Variants in MAEA observed in about 807,000 individuals in gnomAD.
The protein encoded by MAEA is macrophage erythroblast attacher, E3 ubiquitin ligase, also known as E3 ubiquitin-protein transferase MAEA.
A neutral mutation model predicts 46.2 loss-of-function variants in MAEA; 22 were observed. That is an observed-to-expected ratio of 0.48 (90% confidence interval 0.34 to 0.68). The LOEUF is 0.68. MAEA is among the 30% of genes least tolerant of loss of function. The pLI is 0.01. For missense variants in MAEA, 393 were observed against 558.1 expected (o/e 0.70, Z 2.98); for synonymous variants, 246 against 222.6 (o/e 1.11, Z -0.94).
intron 5 of MAEA, chr4:1,331,077 C>G (rs1322076701): frequency 6.6e-6 from 1 of 152,012 alleles, no homozygotes; most frequent in Non-Finnish European, 1.5e-5. Context: ...CTGTGCACGT[C>G]TTGGCGTGTG....
intron 1 of MAEA, chr4:1,310,028 G>A: frequency 8.5e-7 from 1 of 1,172,862 alleles, no homozygotes; most frequent in Non-Finnish European, 1.1e-6. Context: ...TCCTCCGCGC[G>A]AGCGAGGGTG....
At chr4:1,317,375 C>T (rs1401433642) in intron 3 of MAEA, among the ~76,000 whole-genome samples, 13 of 151,056 alleles carry the variant, frequency 8.6e-5, no homozygotes, top group African/African-American at 3.2e-4. Context: ...GACTCATCTG[C>T]AGGCCCCACA....
intron 3 of MAEA, among the ~76,000 whole-genome samples, chr4:1,316,101 C>G (rs1379639252): frequency 1.3e-5 from 2 of 152,048 alleles, no homozygotes; most frequent in Non-Finnish European, 2.9e-5. Flanking sequence ...GATACCTGTA[C>G]CCCGGGTTTT....
intron 1 of MAEA, among the ~76,000 whole-genome samples, chr4:1,304,624 G>C (rs987842811): frequency 6.6e-6 from 1 of 152,000 alleles, no homozygotes; most frequent in South Asian, 2.1e-4. Context: ...TGTATTTTTA[G>C]TACAGACGGG....
intron 3 of MAEA, among the ~76,000 whole-genome samples, chr4:1,318,691 G>C (rs983976092): frequency 6.6e-6 from 1 of 152,176 alleles, no homozygotes; most frequent in African/African-American, 2.4e-5. Context: ...CTGTGGCCGA[G>C]GGGGAGCTGC....
chr4:1,329,378 G>A, intron 5 of MAEA: 1 of 985,454 alleles, frequency 1.0e-6, no homozygotes, highest in Non-Finnish European at 1.2e-6. Context: ...GAGACTCGCG[G>A]GGCCTCCACC....
intron 5 of MAEA, among the ~76,000 whole-genome samples, chr4:1,328,076 C>T (rs532934120): frequency 2.6e-5 from 4 of 152,350 alleles, no homozygotes; most frequent in East Asian, 1.9e-4. Flanking sequence ...GTGTCTCTGA[C>T]GTGTGGTCCT....
At chr4:1,320,674 A>C (rs1737963558) in intron 3 of MAEA, among the ~76,000 whole-genome samples, 1 of 152,104 alleles carries the variant, frequency 6.6e-6, no homozygotes, top group Non-Finnish European at 1.5e-5. Flanking sequence ...GACACTATGA[A>C]GGGGTTTCAG....
chr4:1,298,517 C>T (rs1305502695), intron 1 of MAEA, among the ~76,000 whole-genome samples: 1 of 152,236 alleles, frequency 6.6e-6, no homozygotes, highest in Non-Finnish European at 1.5e-5. Flanking sequence ...AATTGCTTCT[C>T]ATCTGGTTTT....
chr4:1,322,096 A>G (rs1242280306), intron 3 of MAEA, among the ~76,000 whole-genome samples: 1 of 152,148 alleles, frequency 6.6e-6, no homozygotes, highest in Non-Finnish European at 1.5e-5. Context: ...TGTGTGTCTC[A>G]GCAGCTCCTC....
chr4:1,294,773 T>TG (rs1257443151), intron 1 of MAEA, among the ~76,000 whole-genome samples: 1 of 108,254 alleles, frequency 9.2e-6, no homozygotes, highest in African/African-American at 4.1e-5. Context: ...GAGGTTGAGG[T>TG]GATGTTGGAC....
chr4:1,309,799 C>T, intron 1 of MAEA: 8 of 1,408,360 alleles, frequency 5.7e-6, no homozygotes, highest in Admixed American at 2.5e-5. Context: ...GCACTGGGAG[C>T]AAAGGGTTCC....
chr4:1,293,868 A>G (rs1239655160), intron 1 of MAEA, among the ~76,000 whole-genome samples: 1 of 152,248 alleles, frequency 6.6e-6, no homozygotes, highest in East Asian at 1.9e-4. Context: ...TGCCTGTGGT[A>G]GGGAGTTCGG....
rs765237811 is a variant in MAEA at position 1,311,638 on chromosome 4, G to A, written c.70-341G>A. On this transcript the variant is annotated intron_variant, in intron 1 of 8. Transcript: ENST00000303400. This position sits in a 1 kb window ranked among gnomAD's most constrained non-coding sequence, Gnocchi z 4.4. ...TCACCGGCCAGGCCTGTGTTTTACC[G>A]TCTGATAGCCTCACACCCCGGTCAC... Among the ~76,000 whole-genome samples the A allele has an allele frequency of 5.3e-5, 8 of 152,174 alleles. No individual in the cohort carries two copies. The highest frequency in any genetic ancestry group is 1.0e-4 in the Non-Finnish European group (7 of 68,042).
At position 1,320,754 on chromosome 4, in the gene MAEA, C is replaced by T. The variant is rs758004385; in HGVS notation, c.457-1627C>T. ...GGCTTCAGAAAAGAAATCATCAAAG[C>T]GAACATGCAAGAAAACGCTATGAAG... is the stretch of plus-strand genomic sequence containing the variant. On this transcript the variant is annotated intron_variant, in intron 3 of 8. Transcript: ENST00000303400. Among the ~76,000 whole-genome samples, 27 of 151,830 alleles carry T rather than the reference C, an allele frequency of 1.8e-4. 2 individuals carry two copies. The highest frequency in any genetic ancestry group is 6.9e-3 in the Middle Eastern group (2 of 290).
chr4:1,329,632 G>T (rs1316043201), intron 5 of MAEA: 6 of 985,412 alleles, frequency 6.1e-6, no homozygotes, highest in Non-Finnish European at 7.2e-6. Context: ...GCCAGGGCCT[G>T]GTCAGGGAAG....
At chr4:1,317,082 C>A (rs1388409088) in intron 3 of MAEA, among the ~76,000 whole-genome samples, 1 of 113,534 alleles carries the variant, frequency 8.8e-6, no homozygotes, top group Non-Finnish European at 2.0e-5. Context: ...CCCACCCCGG[C>A]CCCCACACTC....
intron 1 of MAEA, among the ~76,000 whole-genome samples, chr4:1,296,588 A>G (rs1345083851): frequency 1.3e-5 from 2 of 150,978 alleles, no homozygotes; most frequent in African/African-American, 2.4e-5. Flanking sequence ...TTGGCTGTGC[A>G]GCTCCCTGGT....
intron 5 of MAEA, chr4:1,328,589 T>C (rs1348345412): frequency 1.9e-5 from 23 of 1,195,712 alleles, no homozygotes; most frequent in Non-Finnish European, 2.5e-5. Context: ...GGGGCACCTG[T>C]CCATGCCCAC....
Sources: allele counts gnomAD v4.1 joint callset (sites outside exome capture counted in the v4.1 genomes callset), GRCh38; gene constraint gnomAD v4.1.1; non-coding constraint Gnocchi (gnomAD v3.1); transcripts MANE v1.5; gene names NCBI Gene and HGNC (gene_info 2026-07-23, HGNC 2026-07-21).